Variants in ABAT observed in about 807,000 individuals in gnomAD.
ABAT encodes the protein 4-aminobutyrate aminotransferase.
A neutral mutation model predicts 64.6 loss-of-function variants in ABAT; 45 were observed. The ratio of observed to expected loss-of-function variants is 0.70; its 90% CI spans 0.55 to 0.89. ABAT has a LOEUF of 0.89. ABAT is among the 40% of genes least tolerant of loss of function. ABAT has a pLI of 0.00. For missense variants in ABAT, 633 were observed against 658.4 expected, an observed-to-expected ratio of 0.96 and a Z score of 0.42; for synonymous variants, 297 against 250.5, an observed-to-expected ratio of 1.19 and a Z score of -1.75.
chr16:8,723,128 G>A (rs529299549), intron 1 of ABAT, among the ~76,000 whole-genome samples: 30 of 152,262 alleles, frequency 2.0e-4, no homozygotes, highest in African/African-American at 6.5e-4. Flanking sequence ...AGCTGCTCAG[G>A]AAGCTGAGGC....
At chr16:8,761,639 G>A (rs550110241) in intron 6 of ABAT, among the ~76,000 whole-genome samples, 1 of 152,316 alleles carries the variant, frequency 6.6e-6, no homozygotes, top group South Asian at 2.1e-4. Context: ...GTCTTAGAGA[G>A]GTGGCAGCTG....
At chr16:8,684,204 ACT>A (rs1218265957) in intron 1 of ABAT, among the ~76,000 whole-genome samples, 1 of 152,054 alleles carries the variant, frequency 6.6e-6, no homozygotes, top group Non-Finnish European at 1.5e-5. Context: ...AGAGAAAGAG[ACT>A]CTGTGCAGGG....
At chr16:8,748,027 C>T in intron 3 of ABAT, 81 bp from the exon 4 acceptor site, 1 of 1,407,120 alleles carries the variant, frequency 7.1e-7, no homozygotes, top group Non-Finnish European at 1.0e-6. Context: ...AATGCCAAGA[C>T]TTGGGAAAAC....
At chr16:8,742,349 C>G (rs959190205) in intron 2 of ABAT, among the ~76,000 whole-genome samples, 1 of 152,172 alleles carries the variant, frequency 6.6e-6, no homozygotes, top group African/African-American at 2.4e-5. Context: ...AATGCAATGT[C>G]AAGACACTTT....
intron 1 of ABAT, among the ~76,000 whole-genome samples, chr16:8,679,545 AG>A (rs1291510088): frequency 6.8e-6 from 1 of 146,942 alleles, no homozygotes; most frequent in Non-Finnish European, 1.5e-5. Context: ...AAAAAAAGGT[AG>A]AAGGAGGAGG....
chr16:8,776,286 T>A lies in ABAT; in HGVS notation c.1123-58T>A. Reference sequence around the variant, plus strand: ...GAGGAGGCGGGGCGCCTGGGGTAAGTGACTCCTGCAGGGTGTGCATGTGTG... The same window carrying A: ...GAGGAGGCGGGGCGCCTGGGGTAAGAGACTCCTGCAGGGTGTGCATGTGTG... On this transcript the variant is annotated intron_variant, in intron 13 of 15. Coordinates refer to ENST00000268251, the MANE Select transcript of ABAT (RefSeq NM_020686.6). The surrounding 1 kb of genome is among the most constrained non-coding windows in gnomAD (Gnocchi z 4.4). 6.2e-7 allele frequency: 1 copy of A among 1,613,062 alleles called. No individual in the cohort carries two copies.
intron 1 of ABAT, among the ~76,000 whole-genome samples, chr16:8,706,999 G>C (rs894276267): frequency 6.6e-6 from 1 of 152,050 alleles, no homozygotes; most frequent in African/African-American, 2.4e-5. Context: ...GGAATGGGTG[G>C]GGTGGCATGT....
chr16:8,764,916 C>G lies in ABAT; in HGVS notation c.540+86C>G, dbSNP rs2059900848. The G allele has an allele frequency of 8.1e-7, 1 of 1,241,262 alleles. No individual in the cohort carries two copies. The highest frequency in any genetic ancestry group is 1.5e-5 in the African/African-American group (1 of 67,446). 76.9% of individuals were successfully genotyped at this position (1,241,262 alleles called of 1,614,324 possible). The stretch of plus-strand genomic sequence containing the variant: ...TCACCCCTTGTCTGACTGTTCATTC[C>G]AATGGGCTGGAGTATTAGACATCAG... On this transcript the variant is annotated intron_variant, in intron 8 of 15. Coordinates refer to ENST00000268251, the MANE Select transcript of ABAT (RefSeq NM_020686.6). This position sits in a 1 kb window ranked among gnomAD's most constrained non-coding sequence, Gnocchi z 4.2.
intron 1 of ABAT, among the ~76,000 whole-genome samples, chr16:8,733,064 C>T (rs1444395902): frequency 3.5e-5 from 5 of 141,278 alleles, no homozygotes; most frequent in South Asian, 2.1e-4. Flanking sequence ...GGCGGCTGGC[C>T]GGGCGGGGGG....
intron 2 of ABAT, among the ~76,000 whole-genome samples, chr16:8,738,014 A>AAGAAAGAAAGAAAGAAAGAAAGAC (rs1555488686): frequency 1.1e-5 from 1 of 94,362 alleles, no homozygotes; most frequent in African/African-American, 5.0e-5. Context: ...GAAAGAAAGA[A>AAGAAAGAAAGAAAGAAAGAAAGAC]AGGAAAGAAA....
chr16:8,777,242 T>C (rs1364552802), intron 14 of ABAT, among the ~76,000 whole-genome samples: 2 of 151,728 alleles, frequency 1.3e-5, no homozygotes, highest in African/African-American at 4.8e-5. Flanking sequence ...ATCCCCCCTT[T>C]GAGAGTCCCC....
At chr16:8,757,092 C>T (rs140542781) in intron 5 of ABAT, 100 of 446,414 alleles carry the variant, frequency 2.2e-4, no homozygotes, top group African/African-American at 1.6e-3. Context: ...ATCCTATCTG[C>T]AATCCAGCAC....
chr16:8,772,717 C>G (rs1263962724), intron 11 of ABAT, 63 bp from the exon 12 acceptor site: 2 of 1,611,232 alleles, frequency 1.2e-6, no homozygotes, highest in East Asian at 2.2e-5. Context: ...CCCCAGATTC[C>G]CACCCACGGA....
chr16:8,756,087 C>T (rs2059642009), intron 5 of ABAT, among the ~76,000 whole-genome samples: 1 of 151,712 alleles, frequency 6.6e-6, no homozygotes. Context: ...GTGGCACACA[C>T]CTATAAACCC....
At chr16:8,718,731 C>T (rs187134107) in intron 1 of ABAT, among the ~76,000 whole-genome samples, 1 of 152,172 alleles carries the variant, frequency 6.6e-6, no homozygotes, top group Admixed American at 6.5e-5. Flanking sequence ...AAGTATTTGC[C>T]TCCCAGGAGT....
At chr16:8,738,016 G>A (rs963532363) in intron 2 of ABAT, among the ~76,000 whole-genome samples, 12,159 of 57,716 alleles carry the variant, frequency 0.21, 1,808 homozygotes, top group East Asian at 0.3. Context: ...AAGAAAGAAA[G>A]GAAAGAAAGA....
At chr16:8,709,986 A>G (rs1033115879) in intron 1 of ABAT, among the ~76,000 whole-genome samples, 7 of 151,738 alleles carry the variant, frequency 4.6e-5, no homozygotes, top group African/African-American at 1.7e-4. Context: ...GTATGTTTGT[A>G]TTTTTTTATA....
intron 14 of ABAT, among the ~76,000 whole-genome samples, chr16:8,777,193 G>A (rs1190401087): frequency 3.3e-5 from 5 of 152,094 alleles, no homozygotes; most frequent in African/African-American, 7.2e-5. Flanking sequence ...ATGGGCCACC[G>A]TGCCCGGCCC....
rs2059879917 is a variant in ABAT, at chr16:8,764,260, C to T, written c.447+111C>T. The stretch of plus-strand genomic sequence containing the variant: ...AAGGTGTTGCTACAGAAATCTTTCT[C>T]TCTGAGCTTATTCTTCCATGCAGAG... On this transcript the variant is annotated intron_variant, in intron 7 of 15. Coordinates refer to ENST00000268251, the MANE Select transcript of ABAT (RefSeq NM_020686.6). The surrounding 1 kb of genome is among the most constrained non-coding windows in gnomAD (Gnocchi z 4.2). 2.1e-6 allele frequency: 2 copies of T among 954,832 alleles called. No homozygotes were observed. Among genetic ancestry groups the T allele is most frequent in the Non-Finnish European group, 3.3e-6 (2 of 602,182 alleles). 59.1% of individuals were successfully genotyped at this position (954,832 alleles called of 1,614,324 possible).
Sources: allele counts gnomAD v4.1 joint callset (sites outside exome capture counted in the v4.1 genomes callset), GRCh38; gene constraint gnomAD v4.1.1; non-coding constraint Gnocchi (gnomAD v3.1); transcripts MANE v1.5; gene names NCBI Gene and HGNC (gene_info 2026-07-23, HGNC 2026-07-21).